SELENOF: variants seen among roughly 807,000 people sequenced by gnomAD.
The protein encoded by SELENOF is 15 kDa selenoprotein.
SELENOF carries 16 observed loss-of-function variants against 20.5 expected under a neutral mutation model. That is an observed-to-expected ratio of 0.78 (90% CI 0.53 to 1.19). SELENOF has a LOEUF of 1.19. Ranked by LOEUF, SELENOF falls within the 50% of genes most tolerant of loss-of-function variation. The pLI is 0.00. For synonymous variants in SELENOF, 78 were observed against 74.5 expected (o/e 1.05, Z -0.24); for missense variants, 215 against 194.2 (o/e 1.11, Z -0.64).
chr1:86,889,534 T>C (rs1326335187), intron 2 of SELENOF, among the ~76,000 whole-genome samples: 1 of 152,020 alleles, frequency 6.6e-6, no homozygotes, highest in Non-Finnish European at 1.5e-5. Context: ...GTGGAGGTAG[T>C]AGTGAGCTGA....
At chr1:86,901,564 C>G (rs888740064) in intron 2 of SELENOF, among the ~76,000 whole-genome samples, 10 of 152,114 alleles carry the variant, frequency 6.6e-5, no homozygotes, top group Non-Finnish European at 1.5e-4. Flanking sequence ...GACAGGTTTA[C>G]TTGTACTTAG....
Position 86,863,553 on chromosome 1 carries a change from A to T in SELENOF, c.419T>A (p.Ile140Asn), listed in dbSNP as rs747794767. 2.5e-6 allele frequency: 4 copies of T among 1,613,700 alleles called. No individual in the cohort carries two copies. Among genetic ancestry groups the T allele is most frequent in the Non-Finnish European group, 3.4e-6 (4 of 1,179,662 alleles). ...VLKLLDDNGNIAEELSILKWN... is the reference protein window; with the variant it reads ...VLKLLDDNGNNAEELSILKWN... Reference sequence around the variant, plus strand: ...TTTGAGAATGCTCAGTTCTTCAGCAATGTTCCCATTGTCGTCCAAAAGCTT... The same window carrying T: ...TTTGAGAATGCTCAGTTCTTCAGCATTGTTCCCATTGTCGTCCAAAAGCTT... Residue 140 changes from isoleucine (I) to asparagine (N), a missense_variant, in exon 5 of 5, where the codon ATT (isoleucine) becomes AAT (asparagine). Transcript: ENST00000331835.
chr1:86,878,872 G>C lies in SELENOF; in HGVS notation c.316+1790C>G, dbSNP rs374515595. 1.9e-3 allele frequency among the ~76,000 whole-genome samples: 287 copies of C among 152,026 alleles called. 1 individual carries two copies. The highest frequency in any genetic ancestry group is 3.1e-3 in the Non-Finnish European group (210 of 67,980). On this transcript the variant is annotated intron_variant, in intron 3 of 4. Coordinates refer to ENST00000331835, the MANE Select transcript of SELENOF (RefSeq NM_004261.5). ...CTTTTCACGGGCTCAGAAAATACTG[G>C]TATTATACATAACAATATTAAATAC... is the stretch of plus-strand genomic sequence containing the variant.
intron 2 of SELENOF, 61 bp downstream of exon 2, chr1:86,903,220 T>C (rs1038314628): frequency 5.5e-6 from 8 of 1,443,542 alleles, no homozygotes; most frequent in Non-Finnish European, 7.5e-6. Context: ...TTAAGCAACT[T>C]ACATTTTTAC....
chr1:86,865,824 CA>C (rs1259386456), intron 4 of SELENOF, among the ~76,000 whole-genome samples: 2 of 152,046 alleles, frequency 1.3e-5, no homozygotes, highest in Non-Finnish European at 2.9e-5. Flanking sequence ...TTTGCACACC[CA>C]AATGTCATAA....
At chr1:86,890,352 T>C (rs777200298) in intron 2 of SELENOF, among the ~76,000 whole-genome samples, 33 of 152,214 alleles carry the variant, frequency 2.2e-4, no homozygotes, top group Non-Finnish European at 3.2e-4. Flanking sequence ...CATACATGTA[T>C]GTTTTGTTTA....
intron 2 of SELENOF, among the ~76,000 whole-genome samples, chr1:86,898,840 T>C (rs898594395): frequency 6.6e-6 from 1 of 151,656 alleles, no homozygotes; most frequent in Non-Finnish European, 1.5e-5. Flanking sequence ...AGAGGGGGAT[T>C]TGGCAGGGTC....
intron 1 of SELENOF, among the ~76,000 whole-genome samples, chr1:86,905,861 A>G (rs779960909): frequency 9.9e-5 from 14 of 141,002 alleles, no homozygotes; most frequent in Non-Finnish European, 2.1e-4. Context: ...CTAGTCACAG[A>G]TAACACATGA....
intron 3 of SELENOF, among the ~76,000 whole-genome samples, chr1:86,870,587 C>T (rs755288531): frequency 4.6e-5 from 7 of 152,012 alleles, no homozygotes; most frequent in Non-Finnish European, 8.8e-5. Context: ...CATAACAGAG[C>T]TTAGCATACT....
chr1:86,895,990 G>A (rs538205468), intron 2 of SELENOF, among the ~76,000 whole-genome samples: 1 of 152,336 alleles, frequency 6.6e-6, no homozygotes, highest in Admixed American at 6.5e-5. Flanking sequence ...CACTTTGGGA[G>A]GCCGAGGGGA....
At chr1:86,878,523 TA>T (rs1353029751) in intron 3 of SELENOF, among the ~76,000 whole-genome samples, 1 of 151,984 alleles carries the variant, frequency 6.6e-6, no homozygotes, top group Non-Finnish European at 1.5e-5. Context: ...CTACTAAAAA[TA>T]AAAATAAATT....
At chr1:86,882,247 C>CA (rs61037512) in intron 2 of SELENOF, among the ~76,000 whole-genome samples, 3,437 of 61,494 alleles carry the variant, frequency 0.056, 187 homozygotes, top group Non-Finnish European at 0.083. Context: ...GACTCTGTCT[C>CA]AAAAAAAAAA....
chr1:86,868,947 AAC>A (rs777559002), intron 3 of SELENOF, among the ~76,000 whole-genome samples: 6 of 152,222 alleles, frequency 3.9e-5, no homozygotes, highest in Non-Finnish European at 8.8e-5. Flanking sequence ...ATTAAGAAAA[AAC>A]ACTATGTATA....
chr1:86,873,897 A>C (rs1658854721), intron 3 of SELENOF, among the ~76,000 whole-genome samples: 1 of 151,812 alleles, frequency 6.6e-6, no homozygotes, highest in Non-Finnish European at 1.5e-5. Context: ...ATGTTTGGCT[A>C]GTTGGTCACT....
At chr1:86,886,618 G>A (rs1283460272) in intron 2 of SELENOF, among the ~76,000 whole-genome samples, 2 of 151,844 alleles carry the variant, frequency 1.3e-5, no homozygotes, top group South Asian at 4.2e-4. Context: ...TGCTAGTTTT[G>A]TTTATATTAA....
intron 2 of SELENOF, among the ~76,000 whole-genome samples, chr1:86,889,312 T>A (rs531132575): frequency 5.9e-5 from 9 of 152,262 alleles, no homozygotes; most frequent in Admixed American, 6.5e-5. Context: ...AATAAAACTG[T>A]TGGCTGGGCG....
At chr1:86,876,182 GA>G (rs758759036) in intron 3 of SELENOF, among the ~76,000 whole-genome samples, 38 of 151,868 alleles carry the variant, frequency 2.5e-4, no homozygotes, top group Non-Finnish European at 4.7e-4. Context: ...ATACAGAAAA[GA>G]GAAAGGGACT....
chr1:86,907,449 G>C (rs1659859793), intron 1 of SELENOF, among the ~76,000 whole-genome samples: 1 of 152,108 alleles, frequency 6.6e-6, no homozygotes, highest in South Asian at 2.1e-4. Flanking sequence ...TGAATTTAAG[G>C]ACATCAGAAA....
At chr1:86,907,669 A>G (rs1274875639) in intron 1 of SELENOF, among the ~76,000 whole-genome samples, 1 of 152,204 alleles carries the variant, frequency 6.6e-6, no homozygotes, top group Admixed American at 6.5e-5. Flanking sequence ...AGCTTTCTCT[A>G]TTTCAAAGCA....
Sources: allele counts gnomAD v4.1 joint callset (sites outside exome capture counted in the v4.1 genomes callset), GRCh38; gene constraint gnomAD v4.1.1; transcripts MANE v1.5; gene names NCBI Gene and HGNC (gene_info 2026-07-23, HGNC 2026-07-21).